Variants in SLC25A26 observed in about 807,000 individuals in gnomAD.
SLC25A26 encodes the protein solute carrier family 25 member 26, also known as mitochondrial S-adenosylmethionine carrier protein.
Under a neutral mutation model 37.8 loss-of-function variants are expected in SLC25A26, and 36 were observed. The observed-to-expected ratio is 0.95, with a 90% CI of 0.73 to 1.26. The LOEUF (loss-of-function observed/expected upper bound fraction) is 1.26. Among genes scored for constraint, SLC25A26 ranks in the 50% most tolerant of loss-of-function variants. The probability of loss-of-function intolerance (pLI) is 0.00; values close to 1 mark genes in which losing one functional copy is unlikely to be tolerated. For synonymous variants in SLC25A26, 129 were observed against 122.5 expected (o/e 1.05, Z -0.35); for missense variants, 390 against 331.1 (o/e 1.18, Z -1.38).
At chr3:66,357,289 C>G (rs1575605158) in intron 6 of SLC25A26, among the ~76,000 whole-genome samples, 3 of 152,156 alleles carry the variant, frequency 2.0e-5, no homozygotes, top group African/African-American at 7.2e-5. Flanking sequence ...TGGCCCTTGC[C>G]CATAGTCCCA....
At chr3:66,150,603 GATATATATATATATAT>G (rs1169750069) in intron 1 of SLC25A26, among the ~76,000 whole-genome samples, 889 of 26,068 alleles carry the variant, frequency 0.034, 20 homozygotes, top group Middle Eastern at 0.045. Flanking sequence ...TATGTAATGA[GATATATATATATATAT>G]ATATATATAT....
chr3:66,374,095 T>C (rs1187408546), intron 9 of SLC25A26, among the ~76,000 whole-genome samples: 1 of 152,216 alleles, frequency 6.6e-6, no homozygotes, highest in African/African-American at 2.4e-5. Flanking sequence ...CCAGAAGTCT[T>C]TTCACTGGCA....
intron 4 of SLC25A26, among the ~76,000 whole-genome samples, chr3:66,263,098 G>C (rs556603863): frequency 6.6e-6 from 1 of 152,318 alleles, no homozygotes; most frequent in Non-Finnish European, 1.5e-5. Context: ...AGATGTTCCT[G>C]TTTCAAAGAG....
At chr3:66,371,148 G>A in intron 9 of SLC25A26, 1 of 1,428,510 alleles carries the variant, frequency 7.0e-7, no homozygotes. Flanking sequence ...AACTTGTGAA[G>A]CCGCCTGAAT....
intron 5 of SLC25A26, among the ~76,000 whole-genome samples, chr3:66,264,208 G>C (rs539276952): frequency 6.6e-6 from 1 of 151,678 alleles, no homozygotes; most frequent in South Asian, 2.1e-4. Context: ...GGAGGTGGAG[G>C]TTGCAGTGAG....
At chr3:66,338,426 A>G (rs1361980532) in intron 5 of SLC25A26, among the ~76,000 whole-genome samples, 5 of 151,936 alleles carry the variant, frequency 3.3e-5, no homozygotes. Flanking sequence ...TGGTTGCTCC[A>G]TATCCTTTCA....
In SLC25A26 at chr3:66,192,113, G is replaced by A. The variant is rs946064252; in HGVS notation, c.-353-28629G>A. On this transcript the variant is annotated intron_variant, in intron 1 of 10. Transcript: ENST00000676754. ...AGGCAGATCACGAGGTCAGGAGTTC[G>A]AGACCAGCATGTCCAGTAATGGTTA... is the stretch of plus-strand genomic sequence containing the variant. 3.3e-5 allele frequency among the ~76,000 whole-genome samples: 5 copies of A among 151,892 alleles called. No homozygotes were observed. In the South Asian group the frequency reaches 8.3e-4, roughly 25 times the overall value.
At chr3:66,283,343 C>T (rs1458642630) in intron 5 of SLC25A26, among the ~76,000 whole-genome samples, 1 of 152,138 alleles carries the variant, frequency 6.6e-6, no homozygotes, top group Admixed American at 6.5e-5. Flanking sequence ...AGTGCAGTGG[C>T]GCAGTCTTGG....
At chr3:66,261,954 A>G (rs1044678830) in intron 3 of SLC25A26, 97 bp from the exon 4 acceptor site, 3 of 693,302 alleles carry the variant, frequency 4.3e-6, no homozygotes, top group African/African-American at 3.7e-5. Context: ...GTAAGCCTAC[A>G]TATTATACCT....
chr3:66,301,605 C>G (rs969483771), intron 5 of SLC25A26, among the ~76,000 whole-genome samples: 1 of 152,200 alleles, frequency 6.6e-6, no homozygotes, highest in African/African-American at 2.4e-5. Flanking sequence ...CAGGGGCTAA[C>G]ATTTTCATTT....
At chr3:66,312,800 C>T (rs576502709) in intron 5 of SLC25A26, among the ~76,000 whole-genome samples, 1 of 152,162 alleles carries the variant, frequency 6.6e-6, no homozygotes, top group Non-Finnish European at 1.5e-5. Flanking sequence ...ACACCCCACC[C>T]TGCATCTGCT....
intron 1 of SLC25A26, among the ~76,000 whole-genome samples, chr3:66,190,579 C>T (rs2070921729): frequency 6.6e-6 from 1 of 152,116 alleles, no homozygotes; most frequent in Non-Finnish European, 1.5e-5. Context: ...CAGGTGTGCA[C>T]ACCCGCACCT....
chr3:66,298,475 G>T (rs2074974672), intron 5 of SLC25A26, among the ~76,000 whole-genome samples: 1 of 152,048 alleles, frequency 6.6e-6, no homozygotes, highest in Admixed American at 6.6e-5. Context: ...TTTTTGGTGG[G>T]AGATCACTTT....
At chr3:66,322,977 T>C (rs779339406) in intron 5 of SLC25A26, among the ~76,000 whole-genome samples, 7 of 152,122 alleles carry the variant, frequency 4.6e-5, no homozygotes, top group Non-Finnish European at 8.8e-5. Flanking sequence ...CATCAAAATG[T>C]AAATTTCAAG....
chr3:66,290,279 C>T (rs1293126001), intron 5 of SLC25A26, among the ~76,000 whole-genome samples: 1 of 152,192 alleles, frequency 6.6e-6, no homozygotes, highest in Non-Finnish European at 1.5e-5. Flanking sequence ...ATTTGACTTC[C>T]TCTCTTCCTA....
intron 2 of SLC25A26, among the ~76,000 whole-genome samples, chr3:66,241,856 AG>A (rs1414538055): frequency 6.6e-6 from 1 of 151,920 alleles, no homozygotes; most frequent in Admixed American, 6.6e-5. Flanking sequence ...GGTGAAGAGA[AG>A]ACCATGTTTA....
intron 1 of SLC25A26, among the ~76,000 whole-genome samples, chr3:66,177,742 T>G (rs1012896690): frequency 5.3e-5 from 8 of 152,242 alleles, no homozygotes; most frequent in Admixed American, 5.2e-4. Flanking sequence ...TAAAGCTGAC[T>G]TTTTAGATAT....
At chr3:66,277,079 A>C (rs999816811) in intron 5 of SLC25A26, among the ~76,000 whole-genome samples, 2 of 151,970 alleles carry the variant, frequency 1.3e-5, no homozygotes, top group African/African-American at 4.8e-5. Context: ...ATGGAGTTGT[A>C]TTTATTTGGG....
chr3:66,181,919 C>T (rs993534002), intron 1 of SLC25A26, among the ~76,000 whole-genome samples: 2 of 151,750 alleles, frequency 1.3e-5, no homozygotes, highest in African/African-American at 2.4e-5. Flanking sequence ...TGTGCATGAG[C>T]AAGCCTGCCT....
Sources: allele counts gnomAD v4.1 joint callset (sites outside exome capture counted in the v4.1 genomes callset), GRCh38; gene constraint gnomAD v4.1.1; transcripts MANE v1.5; gene names NCBI Gene and HGNC (gene_info 2026-07-23, HGNC 2026-07-21).